The following ITPK1 variants were observed in gnomAD, a reference collection of about 807,000 sequenced individuals.
ITPK1 encodes the protein inositol 1,3,4-trisphosphate 5/6-kinase.
ITPK1 carries 21 observed loss-of-function variants against 45.3 expected under a neutral mutation model. That is an observed-to-expected ratio of 0.46 (90% CI 0.33 to 0.67). ITPK1 has a LOEUF of 0.67. Ranked by LOEUF, ITPK1 falls within the 30% of genes least tolerant of loss-of-function variation. The pLI, the probability that ITPK1 is intolerant of heterozygous loss-of-function variation, is 0.02. For missense variants in ITPK1, 474 were observed against 573.5 expected (o/e 0.83, Z 1.77); for synonymous variants, 258 against 253.6 (o/e 1.02, Z -0.16).
Position 93,016,988 on chromosome 14 carries a change from G to A in ITPK1, c.121-187C>T, listed in dbSNP as rs1888215638. Among the ~76,000 whole-genome samples the A allele has an allele frequency of 6.6e-6, 1 of 152,036 alleles. No homozygotes were observed. Among genetic ancestry groups the A allele is most frequent in the African/African-American group, 2.4e-5 (1 of 41,388 alleles). ...AGGACAAGCAGGACAAACCCTCCAA[G>A]ACCCCACAACTCTTCTCTCCTGCTA... On this transcript the variant is annotated intron_variant, in intron 3 of 10. Coordinates refer to ENST00000267615, the MANE Select transcript of ITPK1 (RefSeq NM_014216.6). This position sits in a 1 kb window ranked among gnomAD's most constrained non-coding sequence, Gnocchi z 5.0.
chr14:93,092,207 C>T (rs368838580), intron 2 of ITPK1, among the ~76,000 whole-genome samples: 18 of 152,210 alleles, frequency 1.2e-4, no homozygotes, highest in African/African-American at 3.1e-4. Context: ...CACTGGCATT[C>T]GCAGCCTCCA....
intron 2 of ITPK1, among the ~76,000 whole-genome samples, chr14:93,104,386 G>C (rs1379689900): frequency 1.3e-5 from 2 of 152,002 alleles, no homozygotes; most frequent in African/African-American, 4.8e-5. Context: ...CTACTGGGGA[G>C]GCTGAGGTGG....
At chr14:93,067,242 G>A (rs748302550) in intron 3 of ITPK1, among the ~76,000 whole-genome samples, 1 of 152,038 alleles carries the variant, frequency 6.6e-6, no homozygotes, top group Admixed American at 6.6e-5. Context: ...CTTGACATTT[G>A]ACAGCCAAGC....
At chr14:93,075,682 C>T (rs1490339219) in intron 3 of ITPK1, among the ~76,000 whole-genome samples, 1 of 152,232 alleles carries the variant, frequency 6.6e-6, no homozygotes, top group Non-Finnish European at 1.5e-5. Flanking sequence ...CTGAAGTTAA[C>T]AGGGGTGGGC....
intron 2 of ITPK1, among the ~76,000 whole-genome samples, chr14:93,096,324 T>C (rs1892077787): frequency 6.6e-6 from 1 of 152,350 alleles, no homozygotes; most frequent in South Asian, 2.1e-4. Flanking sequence ...GACCCCTTCA[T>C]ATCACTGTCA....
intron 8 of ITPK1, among the ~76,000 whole-genome samples, chr14:92,952,481 G>A (rs1267838133): frequency 6.6e-6 from 1 of 152,074 alleles, no homozygotes; most frequent in Non-Finnish European, 1.5e-5. Flanking sequence ...GGACAGGCTG[G>A]CACCGGCACG....
chr14:93,067,556 C>G (rs1173941723), intron 3 of ITPK1: 1 of 152,116 alleles, frequency 6.6e-6, no homozygotes, highest in Non-Finnish European at 1.5e-5. Flanking sequence ...CTATTTCTAA[C>G]AGCAAACCTA....
chr14:92,945,072 G>C (rs571303773), intron 10 of ITPK1, among the ~76,000 whole-genome samples: 12 of 152,340 alleles, frequency 7.9e-5, no homozygotes, highest in Admixed American at 7.2e-4. Context: ...CCACCTCACA[G>C]AGGAGCCCGC....
chr14:92,938,895 G>A lies in ITPK1; in HGVS notation c.*2666C>T, dbSNP rs148088774. 501 of 319,314 alleles carry A rather than the reference G, an allele frequency of 1.6e-3. 2 individuals are homozygous for A. The highest frequency in any genetic ancestry group is 9.9e-3 in the African/African-American group (465 of 46,750). The allele number at this position is 319,314 out of a possible 1,614,324, so 19.8% of individuals were successfully genotyped here. A position where few individuals can be genotyped will look rare whatever the true frequency, so the allele number is the denominator to read the frequency against. On this transcript the variant is annotated 3_prime_UTR_variant, in exon 11 of 11. Transcript: ENST00000267615. ...AGCCCCAGGGTGCTCAATGCAGACT[G>A]TGCAGGTGACCCTCTGAAACTACCC...
chr14:93,103,621 G>A (rs879864242), intron 2 of ITPK1, among the ~76,000 whole-genome samples: 5 of 152,134 alleles, frequency 3.3e-5, no homozygotes, highest in Non-Finnish European at 7.4e-5. Context: ...CATACAGCAG[G>A]CACTCAGTAA....
intron 3 of ITPK1, among the ~76,000 whole-genome samples, chr14:93,048,558 C>T (rs1889878440): frequency 6.6e-6 from 1 of 152,216 alleles, no homozygotes; most frequent in Admixed American, 6.5e-5. Flanking sequence ...CTCACGCTCA[C>T]AAGACAGCTG....
In ITPK1 at chr14:92,958,817, C is replaced by T. The variant is rs1465838701; in HGVS notation, c.505-451G>A. On this transcript the variant is annotated intron_variant, in intron 7 of 10. Coordinates refer to ENST00000267615, the MANE Select transcript of ITPK1 (RefSeq NM_014216.6). The surrounding 1 kb of genome is among the most constrained non-coding windows in gnomAD (Gnocchi z 4.4). ...TGGGTCAAAGCCTGTCTGATGACAACGGCTGCCTCTTGTCAAGCAGTTGTG... is the reference window on the plus strand; with the variant it reads ...TGGGTCAAAGCCTGTCTGATGACAATGGCTGCCTCTTGTCAAGCAGTTGTG... 2.6e-5 allele frequency among the ~76,000 whole-genome samples: 4 copies of T among 152,154 alleles called. No individual in the cohort carries two copies. The highest frequency in any genetic ancestry group is 1.9e-4 in the East Asian group (1 of 5,190).
intron 3 of ITPK1, among the ~76,000 whole-genome samples, chr14:93,024,175 T>A: frequency 6.6e-6 from 1 of 152,166 alleles, no homozygotes; most frequent in East Asian, 1.9e-4. Context: ...ATCCCACACA[T>A]GAACCTCCTG....
chr14:92,968,580 G>A (rs1201054488), intron 5 of ITPK1, among the ~76,000 whole-genome samples: 6 of 152,180 alleles, frequency 3.9e-5, no homozygotes, highest in Admixed American at 3.3e-4. Context: ...CTCCAGAGAT[G>A]TCTGGAGTCC....
In ITPK1 at chr14:92,958,589, T is replaced by C. The variant is rs57674347; in HGVS notation, c.505-223A>G. On this transcript the variant is annotated intron_variant, in intron 7 of 10. Coordinates refer to ENST00000267615, the MANE Select transcript of ITPK1 (RefSeq NM_014216.6). The surrounding 1 kb of genome is among the most constrained non-coding windows in gnomAD (Gnocchi z 4.4). Reference sequence around the variant, plus strand: ...TGCCACGGGGTTGGAGATCCTCCCTTCACCGGGCCTGCCATGTGAGATCGA... The same window carrying C: ...TGCCACGGGGTTGGAGATCCTCCCTCCACCGGGCCTGCCATGTGAGATCGA... Among the ~76,000 whole-genome samples the C allele has an allele frequency of 0.032, 4,914 of 152,226 alleles. 268 individuals carry two copies. Among genetic ancestry groups the C allele is most frequent in the African/African-American group, 0.11 (4,652 of 41,522 alleles).
At chr14:93,103,637 T>C (rs992677647) in intron 2 of ITPK1, among the ~76,000 whole-genome samples, 1 of 152,110 alleles carries the variant, frequency 6.6e-6, no homozygotes, top group African/African-American at 2.4e-5. Flanking sequence ...AGTAAGTATG[T>C]GGCATGTAAG....
At chr14:93,020,192 G>T (rs560116560) in intron 3 of ITPK1, among the ~76,000 whole-genome samples, 1 of 152,204 alleles carries the variant, frequency 6.6e-6, no homozygotes, top group African/African-American at 2.4e-5. Flanking sequence ...GCTGGGAGAC[G>T]GCACAAAGGC....
intron 2 of ITPK1, among the ~76,000 whole-genome samples, chr14:93,110,962 A>G (rs1892725032): frequency 6.6e-6 from 1 of 152,040 alleles, no homozygotes; most frequent in African/African-American, 2.4e-5. Flanking sequence ...AGACTCCCGG[A>G]GCCTCTGTTT....
intron 5 of ITPK1, among the ~76,000 whole-genome samples, chr14:92,971,870 A>C (rs977169872): frequency 1.3e-5 from 2 of 152,184 alleles, no homozygotes; most frequent in Non-Finnish European, 2.9e-5. Context: ...CCCTGTTTCC[A>C]TGGATGCCCA....
Sources: gnomAD v4.1 joint callset for allele counts (sites outside exome capture counted in the v4.1 genomes callset) on GRCh38, gnomAD v4.1.1 for gene constraint, Gnocchi (gnomAD v3.1) non-coding constraint, MANE v1.5 for transcripts, NCBI Gene and HGNC (gene_info 2026-07-23, HGNC 2026-07-21) for gene names.